ALK: variants seen among roughly 807,000 people sequenced by gnomAD.
ALK encodes the protein ALK receptor tyrosine kinase.
In ALK, 74 loss-of-function variants were observed where a neutral mutation model predicts 163.1. That is an observed-to-expected ratio of 0.45 (90% CI 0.38 to 0.55). The LOEUF is 0.55. Among genes scored for constraint, ALK ranks in the 20% least tolerant of loss-of-function variants. The pLI is 0.00. For synonymous variants in ALK, 960 were observed against 843.2 expected (o/e 1.14, Z -2.40); for missense variants, 2,063 against 2,105.3 (o/e 0.98, Z 0.39).
intron 3 of ALK, among the ~76,000 whole-genome samples, chr2:29,579,515 T>C (rs989503590): frequency 4.6e-5 from 7 of 152,190 alleles, no homozygotes. Context: ...TTTATGTGCA[T>C]TGTTATATGC....
At chr2:29,482,912 T>C (rs1252668729) in intron 4 of ALK, among the ~76,000 whole-genome samples, 4 of 152,060 alleles carry the variant, frequency 2.6e-5, no homozygotes, top group African/African-American at 9.7e-5. Flanking sequence ...AAGGAGATAA[T>C]GGAGAGTGCC....
intron 4 of ALK, among the ~76,000 whole-genome samples, chr2:29,384,137 G>C (rs76015844): frequency 6.9e-4 from 105 of 152,312 alleles, no homozygotes; most frequent in African/African-American, 2.3e-3. Flanking sequence ...GGCAAATGCA[G>C]CTCTTTGGAC....
At chr2:29,664,303 G>T (rs1283035811) in intron 3 of ALK, among the ~76,000 whole-genome samples, 1 of 152,096 alleles carries the variant, frequency 6.6e-6, no homozygotes, top group Non-Finnish European at 1.5e-5. Flanking sequence ...TTGTTTCTGA[G>T]CTCTGTTTTA....
intron 3 of ALK, among the ~76,000 whole-genome samples, chr2:29,671,483 G>C (rs1264948498): frequency 6.6e-6 from 1 of 152,014 alleles, no homozygotes; most frequent in Non-Finnish European, 1.5e-5. Context: ...TTTCCCTTTA[G>C]ACAATCACAA....
intron 5 of ALK, among the ~76,000 whole-genome samples, chr2:29,383,169 C>T (rs1668944250): frequency 6.6e-6 from 1 of 152,136 alleles, no homozygotes; most frequent in South Asian, 2.1e-4. Context: ...CTTCCCTCTC[C>T]ACCCTCCGTT....
chr2:29,198,327 G>A (rs1222097740), intron 26 of ALK, among the ~76,000 whole-genome samples: 1 of 118,732 alleles, frequency 8.4e-6, no homozygotes, highest in Non-Finnish European at 1.6e-5. Flanking sequence ...AACTCTTTCT[G>A]TACACACATC....
At chr2:29,350,641 C>G (rs1451302245) in intron 5 of ALK, among the ~76,000 whole-genome samples, 1 of 152,160 alleles carries the variant, frequency 6.6e-6, no homozygotes. Flanking sequence ...ATGACAGAGT[C>G]CCAAGAAACC....
chr2:29,662,252 G>A (rs953982088), intron 3 of ALK, among the ~76,000 whole-genome samples: 5 of 152,018 alleles, frequency 3.3e-5, no homozygotes, highest in Admixed American at 6.6e-5. Context: ...AAAGTTGACC[G>A]GGGCCAGCCT....
chr2:29,577,096 C>T (rs563759179), intron 3 of ALK, among the ~76,000 whole-genome samples: 42 of 152,156 alleles, frequency 2.8e-4, no homozygotes, highest in African/African-American at 9.4e-4. Context: ...GGTTGGAGAC[C>T]GCTGCTCTGG....
intron 1 of ALK, among the ~76,000 whole-genome samples, chr2:29,808,815 G>C (rs1337668382): frequency 6.6e-6 from 1 of 152,160 alleles, no homozygotes; most frequent in South Asian, 2.1e-4. Flanking sequence ...ATACACAATT[G>C]CATCTTGATG....
intron 3 of ALK, among the ~76,000 whole-genome samples, chr2:29,614,397 TGAAAGGCTCTGC>T (rs1357066002): frequency 1.3e-5 from 2 of 152,208 alleles, no homozygotes; most frequent in African/African-American, 4.8e-5. Flanking sequence ...GTAGGCCCTG[TGAAAGGCTCTGC>T]GGTTAGTTCC....
intron 5 of ALK, among the ~76,000 whole-genome samples, chr2:29,336,677 G>A (rs368322792): frequency 1.6e-4 from 24 of 152,270 alleles, no homozygotes; most frequent in African/African-American, 5.8e-4. Flanking sequence ...TTTCAATCGT[G>A]TTTTAGAGAT....
Position 29,490,892 on chromosome 2 carries a change from C to A in ALK, c.1154+41023G>T, listed in dbSNP as rs139062057. Among the ~76,000 whole-genome samples the A allele has an allele frequency of 2.4e-3, 373 of 152,270 alleles. 3 individuals carry two copies. The highest frequency in any genetic ancestry group is 8.5e-3 in the African/African-American group (355 of 41,558). ...TAGTATTTCAAGATGTCTGCAACAG[C>A]TGTCATGTGATTTCTATTACTGACA... On this transcript the variant is annotated intron_variant, in intron 4 of 28. Coordinates refer to ENST00000389048, the MANE Select transcript of ALK (RefSeq NM_004304.5).
rs1287030322 is a variant in ALK, at chr2:29,246,090, C to T, written c.2204+5015G>A. Among the ~76,000 whole-genome samples the T allele has an allele frequency of 6.6e-6, 1 of 152,066 alleles. No individual in the cohort carries two copies. The highest frequency in any genetic ancestry group is 2.4e-5 in the African/African-American group (1 of 41,378). ...ACGACTGCCTTCGGGAGCTATGGGC[C>T]ATGCTTGACAAATGGTGTTATATAC... On this transcript the variant is annotated intron_variant, in intron 12 of 28. Transcript: ENST00000389048. The surrounding 1 kb of genome is among the most constrained non-coding windows in gnomAD (Gnocchi z 4.3).
rs759295991 is a variant in ALK at position 29,297,073 on chromosome 2, G to C, written c.1648-16C>G. 2.5e-6 allele frequency: 4 copies of C among 1,614,132 alleles called. No individual in the cohort carries two copies. Among genetic ancestry groups the C allele is most frequent in the East Asian group, 4.5e-5 (2 of 44,874 alleles). Reference sequence around the variant, plus strand: ...ACATTCGGAGCTGTGAGGGCGAGAAGAGTCAGAGGACAAGGTATGATTGCT... The same window carrying C: ...ACATTCGGAGCTGTGAGGGCGAGAACAGTCAGAGGACAAGGTATGATTGCT... On this transcript the variant is annotated splice_polypyrimidine_tract_variant and intron_variant, in intron 8 of 28. Transcript: ENST00000389048.
At chr2:29,477,946 G>A (rs1286587114) in intron 4 of ALK, among the ~76,000 whole-genome samples, 3 of 152,224 alleles carry the variant, frequency 2.0e-5, no homozygotes, top group African/African-American at 7.2e-5. Context: ...TCTGCCAGCA[G>A]ATAACACGTT....
chr2:29,538,553 T>C (rs1048897610), intron 3 of ALK, among the ~76,000 whole-genome samples: 7 of 152,190 alleles, frequency 4.6e-5, no homozygotes, highest in Admixed American at 2.0e-4. Context: ...TGCAGAACCA[T>C]GAGCCAATTA....
intron 1 of ALK, among the ~76,000 whole-genome samples, chr2:29,848,654 G>C (rs999317629): frequency 1.3e-5 from 2 of 152,220 alleles, no homozygotes; most frequent in African/African-American, 4.8e-5. Context: ...GAGGCTTCCA[G>C]CAGGTCTCAG....
chr2:29,596,156 T>G (rs1324620788), intron 3 of ALK, among the ~76,000 whole-genome samples: 1 of 152,236 alleles, frequency 6.6e-6, no homozygotes, highest in Non-Finnish European at 1.5e-5. Flanking sequence ...CTCTCACCTC[T>G]GATCTCCTTC....
Sources: allele counts gnomAD v4.1 joint callset (sites outside exome capture counted in the v4.1 genomes callset), GRCh38; gene constraint gnomAD v4.1.1; non-coding constraint Gnocchi (gnomAD v3.1); transcripts MANE v1.5; gene names NCBI Gene and HGNC (gene_info 2026-07-23, HGNC 2026-07-21).